DMD: variants seen among roughly 807,000 people sequenced by gnomAD.
DMD encodes dystrophin.
Under a neutral mutation model 330.1 loss-of-function variants are expected in DMD, and 63 were observed. That is an observed-to-expected ratio of 0.19 (90% confidence interval 0.16 to 0.24). DMD has a LOEUF of 0.24. Ranked by LOEUF, DMD falls within the 10% of genes least tolerant of loss-of-function variation. The probability of loss-of-function intolerance (pLI) is 1.00; values close to 1 mark genes in which losing one functional copy is unlikely to be tolerated. For synonymous variants in DMD, 1,223 were observed against 959.8 expected (o/e 1.27, Z -5.07); for missense variants, 3,344 against 2,684.1 (o/e 1.25, Z -5.43).
intron 30 of DMD, among the ~76,000 whole-genome samples, chrX:32,394,478 T>A (rs1278392634): frequency 8.9e-6 from 1 of 112,306 alleles, no homozygotes; most frequent in East Asian, 2.8e-4. Flanking sequence ...TTCTCATTTC[T>A]TCAGTAGTCA....
intron 17 of DMD, among the ~76,000 whole-genome samples, chrX:32,541,890 C>G (rs1569163045): frequency 9.0e-6 from 1 of 111,550 alleles, no homozygotes; most frequent in Non-Finnish European, 1.9e-5. Flanking sequence ...TTTGCTACTT[C>G]TCTAGACACA....
At chrX:33,013,219 T>A (rs2093733473) in intron 2 of DMD, among the ~76,000 whole-genome samples, 1 of 111,030 alleles carries the variant, frequency 9.0e-6, no homozygotes, top group African/African-American at 3.3e-5. Flanking sequence ...CCACATAAAT[T>A]CACATTTTAC....
At chrX:33,338,460 AAAAT>A (rs76681558) in intron 1 of DMD, among the ~76,000 whole-genome samples, 6,184 of 102,198 alleles carry the variant, frequency 0.061, 228 homozygotes, top group Non-Finnish European at 0.088. Flanking sequence ...ATTAAAGGGC[AAAAT>A]AAATAAATAA....
chrX:31,673,548 C>T (rs921295540), intron 53 of DMD, among the ~76,000 whole-genome samples: 7 of 110,588 alleles, frequency 6.3e-5, no homozygotes, highest in Admixed American at 1.9e-4. Context: ...GTGGAGGTTG[C>T]ACTAAGCCAA....
intron 30 of DMD, among the ~76,000 whole-genome samples, chrX:32,411,164 G>A (rs1419967994): frequency 9.0e-6 from 1 of 111,353 alleles, no homozygotes; most frequent in Non-Finnish European, 1.9e-5. Flanking sequence ...ATAGAGTCTC[G>A]CTCTGTTCCA....
intron 48 of DMD, among the ~76,000 whole-genome samples, chrX:31,840,743 G>C (rs1462791539): frequency 9.1e-6 from 1 of 109,884 alleles, no homozygotes; most frequent in Non-Finnish European, 1.9e-5. Flanking sequence ...AATCTTTGAT[G>C]TTACTATTTT....
intron 60 of DMD, among the ~76,000 whole-genome samples, chrX:31,403,579 T>C (rs1360161052): frequency 3.6e-5 from 4 of 111,789 alleles, no homozygotes; most frequent in Non-Finnish European, 7.5e-5. Flanking sequence ...TCCTTAATAC[T>C]GGGTACAAAA....
intron 13 of DMD, among the ~76,000 whole-genome samples, chrX:32,578,098 A>G (rs1050778782): frequency 8.9e-6 from 1 of 112,256 alleles, no homozygotes; most frequent in African/African-American, 3.2e-5. Context: ...AATGGCTATA[A>G]CAAAATTGTT....
rs2057343668 is a variant in DMD, at chrX:31,335,000, A to G, written c.9164-11342T>C. Among the ~76,000 whole-genome samples, 8 of 111,853 alleles carry G rather than the reference A, an allele frequency of 7.2e-5. No individual in the cohort carries two copies. In the South Asian group the frequency reaches 3.0e-3, roughly 42 times the overall value. ...CTCACATCTCTACTGAAATGTCACC[A>G]TTCCTGACCACTCCACTAAAAGGGT... On this transcript the variant is annotated intron_variant, in intron 61 of 78. Coordinates refer to ENST00000357033, the MANE Select transcript of DMD (RefSeq NM_004006.3).
chrX:33,326,566 G>A (rs1457465558), intron 1 of DMD, among the ~76,000 whole-genome samples: 2 of 112,120 alleles, frequency 1.8e-5, no homozygotes, highest in East Asian at 2.8e-4. Flanking sequence ...TGTATGGCTA[G>A]GGTGAGGCAT....
chrX:31,292,751 T>G (rs1467346025), intron 62 of DMD, among the ~76,000 whole-genome samples: 3 of 112,159 alleles, frequency 2.7e-5, no homozygotes, highest in African/African-American at 9.7e-5. Flanking sequence ...AGTATACATT[T>G]TAAATGGGAT....
intron 44 of DMD, chrX:32,205,923 AG>A: frequency 2.7e-6 from 1 of 367,800 alleles, no homozygotes; most frequent in Non-Finnish European, 5.0e-6. Flanking sequence ...GAGTCCTCTG[AG>A]GCCCCAAAAC....
intron 48 of DMD, among the ~76,000 whole-genome samples, chrX:31,874,810 A>G (rs766213542): frequency 9.0e-6 from 1 of 110,979 alleles, no homozygotes; most frequent in South Asian, 3.9e-4. Flanking sequence ...CCATTCCCCA[A>G]GGGTTGTCTG....
rs1334689330 is a variant in DMD at position 32,406,578 on chromosome X, C to T, written c.4233+5174G>A. Among the ~76,000 whole-genome samples the T allele has an allele frequency of 2.7e-5, 3 of 110,990 alleles. No individual in the cohort carries two copies. The East Asian group carries it at 8.5e-4, about 32-fold the overall frequency. On this transcript the variant is annotated intron_variant, in intron 30 of 78. Coordinates refer to ENST00000357033, the MANE Select transcript of DMD (RefSeq NM_004006.3). ...GTTTATTGATTTGCATATATTGAAC[C>T]AGCCTTGCATCCCAGGGATGAAGCC...
intron 44 of DMD, among the ~76,000 whole-genome samples, chrX:32,013,291 T>C (rs2095730789): frequency 9.1e-6 from 1 of 109,594 alleles, no homozygotes; most frequent in Admixed American, 9.8e-5. Flanking sequence ...TTCACCATGT[T>C]GGCCAGGATG....
At chrX:31,433,217 A>G (rs2064211539) in intron 60 of DMD, among the ~76,000 whole-genome samples, 1 of 111,927 alleles carries the variant, frequency 8.9e-6, no homozygotes, top group African/African-American at 3.2e-5. Flanking sequence ...GTTGCTACAG[A>G]GGACATGATT....
At chrX:32,630,710 G>A (rs2058676685) in intron 11 of DMD, among the ~76,000 whole-genome samples, 2 of 111,244 alleles carry the variant, frequency 1.8e-5, no homozygotes, top group South Asian at 7.6e-4. Flanking sequence ...TTTATGTGTA[G>A]GATTCTGAAT....
At chrX:31,501,569 G>C (rs1665448421) in intron 56 of DMD, among the ~76,000 whole-genome samples, 2 of 111,846 alleles carry the variant, frequency 1.8e-5, no homozygotes. Context: ...AGAGCCTTTA[G>C]ATGTGCTGGA....
rs771043501 is a variant in DMD at position 33,285,016 on chromosome X, A to G, written c.7+54243T>C. ...AACATCTGTGGCTCTTTTTGGTTCC[A>G]ATAAGTGATAAATAACAACAGGATT... On this transcript the variant is annotated intron_variant, in intron 1 of 17. Transcript: ENST00000288447. 6.3e-5 allele frequency among the ~76,000 whole-genome samples: 7 copies of G among 110,904 alleles called. No homozygotes were observed. In the South Asian group the frequency reaches 2.7e-3, roughly 43 times the overall value.
Sources: gnomAD v4.1 joint callset for allele counts (sites outside exome capture counted in the v4.1 genomes callset) on GRCh38, gnomAD v4.1.1 for gene constraint, MANE v1.5 for transcripts, NCBI Gene and HGNC (gene_info 2026-07-23, HGNC 2026-07-21) for gene names.